The following FBXL13 variants were observed in gnomAD, a reference collection of about 807,000 sequenced individuals.
The protein encoded by FBXL13 is F-box and leucine rich repeat protein 13.
Under a neutral mutation model 83.6 loss-of-function variants are expected in FBXL13, and 67 were observed. The ratio of observed to expected loss-of-function variants is 0.80; its 90% CI spans 0.66 to 0.98. The LOEUF (loss-of-function observed/expected upper bound fraction) is 0.98, where lower values mean the gene tolerates loss of function less well. Among genes scored for constraint, FBXL13 ranks in the 50% least tolerant of loss-of-function variants. The pLI is 0.00. For synonymous variants in FBXL13, 272 were observed against 299.5 expected, an observed-to-expected ratio of 0.91 and a Z score of 0.95; for missense variants, 822 against 866.5, an observed-to-expected ratio of 0.95 and a Z score of 0.64.
intron 6 of FBXL13, among the ~76,000 whole-genome samples, chr7:103,017,289 A>G (rs1792470718): frequency 1.3e-5 from 2 of 150,598 alleles, no homozygotes; most frequent in Non-Finnish European, 3.0e-5. Flanking sequence ...GAAAATTAAC[A>G]AACAGAAAGG....
chr7:102,815,440 A>G (rs1274580867), intron 19 of FBXL13, among the ~76,000 whole-genome samples: 2 of 152,074 alleles, frequency 1.3e-5, no homozygotes, highest in African/African-American at 4.8e-5. Context: ...AAGTCCTTTA[A>G]CCCTCTTGGC....
At chr7:102,873,669 G>A (rs1349793227) in intron 16 of FBXL13, among the ~76,000 whole-genome samples, 1 of 152,190 alleles carries the variant, frequency 6.6e-6, no homozygotes, top group African/African-American at 2.4e-5. Context: ...CCAAAGAGCA[G>A]AGTTCAAATT....
chr7:102,819,787 T>C lies in FBXL13; in HGVS notation c.2018+2253A>G, dbSNP rs145655315. On this transcript the variant is annotated intron_variant, in intron 19 of 19. Coordinates refer to ENST00000313221, the Ensembl canonical transcript of FBXL13. ...GGGAGCCACACTGGCCCTGATTAGATAGTGAGCATAGGTAAGGGATTAGAG... is the reference window on the plus strand; with the variant it reads ...GGGAGCCACACTGGCCCTGATTAGACAGTGAGCATAGGTAAGGGATTAGAG... Among the ~76,000 whole-genome samples the C allele has an allele frequency of 1.4e-4, 21 of 152,266 alleles. No individual in the cohort carries two copies. In the East Asian group the frequency reaches 4.1e-3, roughly 29 times the overall value.
intron 6 of FBXL13, among the ~76,000 whole-genome samples, chr7:103,014,576 A>T (rs955536515): frequency 6.6e-6 from 1 of 152,122 alleles, no homozygotes; most frequent in African/African-American, 2.4e-5. Context: ...CAGAAAAAGA[A>T]AACTTCAGGC....
At chr7:102,834,092 A>AGGAAGGAAG (rs1562925949) in intron 17 of FBXL13, among the ~76,000 whole-genome samples, 1 of 85,950 alleles carries the variant, frequency 1.2e-5, no homozygotes, top group African/African-American at 5.7e-5. Context: ...AAAGAAAAGA[A>AGGAAGGAAG]AGAAAGAAAG....
chr7:102,927,569 G>A (rs562783588), intron 9 of FBXL13, among the ~76,000 whole-genome samples: 8 of 152,274 alleles, frequency 5.3e-5, no homozygotes, highest in Non-Finnish European at 7.4e-5. Context: ...ATAGGAATTG[G>A]TTGATTTACA....
chr7:102,918,039 T>C (rs1816248336), intron 10 of FBXL13, among the ~76,000 whole-genome samples: 1 of 152,186 alleles, frequency 6.6e-6, no homozygotes, highest in African/African-American at 2.4e-5. Flanking sequence ...ATTACATTTT[T>C]CTCTTGGCAA....
chr7:102,992,121 C>T (rs1829634996), intron 6 of FBXL13, among the ~76,000 whole-genome samples: 1 of 152,136 alleles, frequency 6.6e-6, no homozygotes, highest in Non-Finnish European at 1.5e-5. Flanking sequence ...ATCCAACCCC[C>T]TTGACCCACC....
intron 6 of FBXL13, among the ~76,000 whole-genome samples, chr7:103,015,247 G>A (rs1792146716): frequency 6.6e-6 from 1 of 152,140 alleles, no homozygotes; most frequent in Admixed American, 6.6e-5. Flanking sequence ...TACTGAATGG[G>A]CAAAAGCTGA....
chr7:102,820,790 C>T (rs568375001), intron 19 of FBXL13, among the ~76,000 whole-genome samples: 32 of 152,332 alleles, frequency 2.1e-4, no homozygotes, highest in African/African-American at 7.2e-4. Flanking sequence ...TCCATGATAA[C>T]GGCATTAGTC....
At chr7:102,879,156 A>G (rs571673061) in intron 14 of FBXL13, among the ~76,000 whole-genome samples, 1 of 152,328 alleles carries the variant, frequency 6.6e-6, no homozygotes, top group Admixed American at 6.5e-5. Context: ...CAGCAAATAA[A>G]GCAGGACAGG....
chr7:102,974,483 G>A (rs1437001590), intron 6 of FBXL13, among the ~76,000 whole-genome samples: 1 of 152,040 alleles, frequency 6.6e-6, no homozygotes, highest in Non-Finnish European at 1.5e-5. Context: ...GCCACAATAC[G>A]AATTGAATAA....
chr7:103,006,722 G>C (rs1395361893), intron 6 of FBXL13, among the ~76,000 whole-genome samples: 1 of 152,062 alleles, frequency 6.6e-6, no homozygotes, highest in Non-Finnish European at 1.5e-5. Flanking sequence ...TACTAGATTT[G>C]TAAAGAAGCA....
At chr7:102,883,419 T>G in exon 14 of FBXL13, 9 of 1,613,748 alleles carry the variant, frequency 5.6e-6, no homozygotes, top group Non-Finnish European at 7.6e-6. Context: ...GAGATTTGGA[T>G]AATTCTTGTC....
At chr7:103,023,442 G>A (rs1338927452) in intron 6 of FBXL13, among the ~76,000 whole-genome samples, 2 of 152,136 alleles carry the variant, frequency 1.3e-5, no homozygotes, top group African/African-American at 2.4e-5. Flanking sequence ...ACACCAGTTA[G>A]AATGGCTATT....
chr7:102,818,760 A>AG (rs11386901), intron 19 of FBXL13, among the ~76,000 whole-genome samples: 6,287 of 152,246 alleles, frequency 0.041, 320 homozygotes, highest in East Asian at 0.16. Flanking sequence ...GAAATATATC[A>AG]AAAGTTCCCT....
intron 8 of FBXL13, among the ~76,000 whole-genome samples, chr7:102,958,529 TATAATAATA>T (rs144163542): frequency 0.41 from 59,526 of 144,334 alleles, 13,517 homozygotes; most frequent in Admixed American, 0.52. Context: ...GAACTTAAAG[TATAATAATA>T]ATAATAATAA....
At chr7:102,839,581 G>A (rs1802575479) in intron 17 of FBXL13, among the ~76,000 whole-genome samples, 1 of 152,100 alleles carries the variant, frequency 6.6e-6, no homozygotes, top group Non-Finnish European at 1.5e-5. Context: ...GCCTCTAGCT[G>A]GGATTACAGG....
intron 2 of FBXL13, among the ~76,000 whole-genome samples, chr7:103,038,342 G>A (rs1165336889): frequency 6.6e-6 from 1 of 152,262 alleles, no homozygotes; most frequent in Non-Finnish European, 1.5e-5. Flanking sequence ...CCACAGCTCA[G>A]CAAGGCCTAC....
Sources: allele counts gnomAD v4.1 joint callset (sites outside exome capture counted in the v4.1 genomes callset), GRCh38; gene constraint gnomAD v4.1.1; transcripts MANE v1.5; gene names NCBI Gene and HGNC (gene_info 2026-07-23, HGNC 2026-07-21).